CSMD1: variants seen among roughly 807,000 people sequenced by gnomAD.
CSMD1 encodes the protein CUB and Sushi multiple domains 1.
Under a neutral mutation model 417.5 loss-of-function variants are expected in CSMD1, and 213 were observed. The ratio of observed to expected loss-of-function variants is 0.51; its 90% CI spans 0.46 to 0.57. The LOEUF (loss-of-function observed/expected upper bound fraction) is 0.57, where lower values mean the gene tolerates loss of function less well. Ranked by LOEUF, CSMD1 falls within the 20% of genes least tolerant of loss-of-function variation. CSMD1 has a pLI of 0.00. For synonymous variants in CSMD1, 2,862 were observed against 1,736.8 expected (o/e 1.65, Z -16.11); for missense variants, 6,923 against 4,529.7 (o/e 1.53, Z -15.17).
At chr8:4,390,903 T>C (rs141987115) in intron 3 of CSMD1, among the ~76,000 whole-genome samples, 33 of 152,284 alleles carry the variant, frequency 2.2e-4, no homozygotes, top group Non-Finnish European at 3.4e-4. Flanking sequence ...TCCCCCAAAA[T>C]GTAGAAAGGT....
intron 7 of CSMD1, among the ~76,000 whole-genome samples, chr8:3,674,866 G>C (rs1004985580): frequency 3.9e-5 from 6 of 152,092 alleles, no homozygotes; most frequent in Non-Finnish European, 7.4e-5. Flanking sequence ...CTTTAAATTT[G>C]AAAAAGGATG....
At chr8:4,059,112 C>G (rs150706150) in intron 3 of CSMD1, among the ~76,000 whole-genome samples, 17,673 of 152,190 alleles carry the variant, frequency 0.12, 1,554 homozygotes, top group East Asian at 0.34. Context: ...ACAGTGCAAT[C>G]AAACTAGAAC....
intron 5 of CSMD1, among the ~76,000 whole-genome samples, chr8:3,950,126 A>C (rs1294520675): frequency 6.6e-6 from 1 of 152,164 alleles, no homozygotes; most frequent in Non-Finnish European, 1.5e-5. Context: ...GACACGTTAC[A>C]CTGACCTGCA....
chr8:3,554,033 CATT>C (rs1279704446), intron 10 of CSMD1, among the ~76,000 whole-genome samples: 4 of 152,056 alleles, frequency 2.6e-5, no homozygotes, highest in Non-Finnish European at 2.9e-5. Flanking sequence ...AATAAGTAAA[CATT>C]ATAGTTTTGA....
At chr8:4,433,040 T>C (rs997158032) in intron 2 of CSMD1, among the ~76,000 whole-genome samples, 2 of 152,062 alleles carry the variant, frequency 1.3e-5, no homozygotes, top group Admixed American at 6.6e-5. Flanking sequence ...ACTACGTATA[T>C]GAGGGATCGA....
chr8:3,877,080 A>C (rs1805873494), intron 5 of CSMD1, among the ~76,000 whole-genome samples: 1 of 152,218 alleles, frequency 6.6e-6, no homozygotes, highest in Non-Finnish European at 1.5e-5. Flanking sequence ...TAAGGTTCTT[A>C]CAAGGGAGAT....
At chr8:3,107,820 T>C in intron 44 of CSMD1, 22 bp from the exon 45 acceptor site, 1 of 1,473,060 alleles carries the variant, frequency 6.8e-7, no homozygotes, top group Non-Finnish European at 9.3e-7. Flanking sequence ...ATGGAAAGAA[T>C]AATAATAATT....
intron 3 of CSMD1, among the ~76,000 whole-genome samples, chr8:4,135,395 GGGGAAAGA>G (rs1563169239): frequency 1.6e-5 from 2 of 121,864 alleles, no homozygotes; most frequent in South Asian, 3.0e-4. Context: ...GGGGAAGGAA[GGGGAAAGA>G]GGGAAAGAGG....
In CSMD1 at chr8:4,765,294, T is replaced by C. The variant is rs1057226428; in HGVS notation, c.86-127736A>G. ...AAAGAGTTTAGCTATTAAACAGCTC[T>C]AACTCAGGGGTAGCAATCCCTTCTG... On this transcript the variant is annotated intron_variant, in intron 1 of 69. Coordinates refer to ENST00000635120, the MANE Select transcript of CSMD1 (RefSeq NM_033225.6). Among the ~76,000 whole-genome samples, 70 of 152,342 alleles carry C rather than the reference T, an allele frequency of 4.6e-4. 1 individual carries two copies. The highest frequency in any genetic ancestry group is 4.1e-4 in the South Asian group (2 of 4,834).
At chr8:3,002,825 C>A (rs1490478126) in intron 52 of CSMD1, among the ~76,000 whole-genome samples, 1 of 152,216 alleles carries the variant, frequency 6.6e-6, no homozygotes, top group African/African-American at 2.4e-5. Flanking sequence ...AGATTCCCAA[C>A]AGCAACTCCT....
At chr8:3,006,234 C>G (rs13256930) in intron 52 of CSMD1, among the ~76,000 whole-genome samples, 7,543 of 151,608 alleles carry the variant, frequency 0.05, 183 homozygotes, top group East Asian at 0.071. Flanking sequence ...AGGACCTCTT[C>G]AAGGAGAACT....
intron 33 of CSMD1, among the ~76,000 whole-genome samples, chr8:3,197,488 C>T (rs1178906914): frequency 1.8e-4 from 23 of 128,106 alleles, no homozygotes; most frequent in South Asian, 5.0e-4. Flanking sequence ...TTTTTTGAGA[C>T]GGAGTCTCGC....
At chr8:3,965,358 G>C (rs1393083548) in intron 5 of CSMD1, among the ~76,000 whole-genome samples, 1 of 152,104 alleles carries the variant, frequency 6.6e-6, no homozygotes, top group African/African-American at 2.4e-5. Flanking sequence ...ACAATGTTTT[G>C]AAGAGTTTGT....
chr8:4,802,531 G>C (rs1798358734), intron 1 of CSMD1, among the ~76,000 whole-genome samples: 1 of 152,104 alleles, frequency 6.6e-6, no homozygotes, highest in Non-Finnish European at 1.5e-5. Context: ...GAATTTCCAA[G>C]CAACTTGAAA....
intron 5 of CSMD1, among the ~76,000 whole-genome samples, chr8:3,808,632 G>A (rs1041553485): frequency 2.6e-5 from 4 of 152,186 alleles, no homozygotes; most frequent in Non-Finnish European, 5.9e-5. Context: ...TTGCATCAGA[G>A]ATAGTTCCTG....
rs564450568 is a variant in CSMD1, at chr8:4,786,497, G to A, written c.86-148939C>T. ...CACAGATATCTCATTTTATTTTATT[G>A]GCAATGAGATGTAAATTGGTGGTTG... On this transcript the variant is annotated intron_variant, in intron 1 of 69. Transcript: ENST00000635120. Among the ~76,000 whole-genome samples, 7 of 152,164 alleles carry A rather than the reference G, an allele frequency of 4.6e-5. No individual in the cohort carries two copies. The South Asian group carries it at 6.2e-4, about 14-fold the overall frequency.
At chr8:4,348,935 C>G (rs1183079318) in intron 3 of CSMD1, among the ~76,000 whole-genome samples, 2 of 152,102 alleles carry the variant, frequency 1.3e-5, no homozygotes, top group Non-Finnish European at 2.9e-5. Flanking sequence ...TGTTCCTTAA[C>G]CAGACAGTGC....
intron 5 of CSMD1, among the ~76,000 whole-genome samples, chr8:3,953,960 G>C (rs944420754): frequency 1.3e-5 from 2 of 152,184 alleles, no homozygotes; most frequent in African/African-American, 4.8e-5. Context: ...CCTTAGGCTG[G>C]GAGCGCACAG....
chr8:4,429,959 G>A (rs971508921), intron 2 of CSMD1, among the ~76,000 whole-genome samples: 2 of 152,130 alleles, frequency 1.3e-5, no homozygotes, highest in African/African-American at 4.8e-5. Context: ...AAGAGGCAAA[G>A]GGGAGAATCC....
Sources: gnomAD v4.1 joint callset for allele counts (sites outside exome capture counted in the v4.1 genomes callset) on GRCh38, gnomAD v4.1.1 for gene constraint, MANE v1.5 for transcripts, NCBI Gene and HGNC (gene_info 2026-07-23, HGNC 2026-07-21) for gene names.